Variants in SLC38A4 observed in about 807,000 individuals in gnomAD.
The protein encoded by SLC38A4 is sodium-coupled neutral amino acid transporter 4.
SLC38A4 carries 20 observed loss-of-function variants against 63.1 expected under a neutral mutation model. The observed-to-expected ratio is 0.32, with a 90% CI of 0.22 to 0.46. The LOEUF is 0.46. Among genes scored for constraint, SLC38A4 ranks in the 20% least tolerant of loss-of-function variants. The probability of loss-of-function intolerance (pLI) is 1.00; values close to 1 mark genes in which losing one functional copy is unlikely to be tolerated. For missense variants in SLC38A4, 526 were observed against 663.6 expected, an observed-to-expected ratio of 0.79 and a Z score of 2.28; for synonymous variants, 230 against 225.5, an observed-to-expected ratio of 1.02 and a Z score of -0.18.
At chr12:46,825,330 T>TATATATATATATA (rs71070321) in intron 1 of SLC38A4, among the ~76,000 whole-genome samples, 1 of 150,900 alleles carries the variant, frequency 6.6e-6, no homozygotes, top group Non-Finnish European at 1.5e-5. Flanking sequence ...TATATATATA[T>TATATATATATATA]TCCTTACAGA....
At chr12:46,767,238 ATG>A (rs63298462) in intron 16 of SLC38A4, among the ~76,000 whole-genome samples, 100,701 of 150,836 alleles carry the variant, frequency 0.67, 35,620 homozygotes, top group Middle Eastern at 0.81. Context: ...AAGTGTATAT[ATG>A]TGTGTGTGTG....
chr12:46,826,693 T>C (rs1466791953), upstream of SLC38A4, among the ~76,000 whole-genome samples: 1 of 152,160 alleles, frequency 6.6e-6, no homozygotes, highest in African/African-American at 2.4e-5. Flanking sequence ...CCCAGGAAGT[T>C]GGATGGTAGA....
In SLC38A4 at chr12:46,768,316, C is replaced by A. The variant is rs941604190; in HGVS notation, c.1536G>T (p.Lys512Asn). The change falls in exon 16 of 17, where the codon AAG becomes AAT. Residue 512 changes from lysine (K) to asparagine (N), a missense_variant. Lys to Asn is a moderately conservative substitution (Grantham distance 94). Coordinates refer to ENST00000266579, the MANE Select transcript of SLC38A4 (RefSeq NM_018018.5). ...AATTGCAAGGTTTACTTACCCCGAC[C>A]TTTTGGGGTGACCTAAAAGTTTCTT... ...VKKETFRSPQ[K>N]VGALIFLVVG... 1 of 1,609,038 alleles carries A rather than the reference C, an allele frequency of 6.2e-7. No individual in the cohort carries two copies.
intron 7 of SLC38A4, among the ~76,000 whole-genome samples, chr12:46,783,208 T>C (rs1420810347): frequency 2.0e-5 from 3 of 149,546 alleles, no homozygotes; most frequent in Non-Finnish European, 4.4e-5. Context: ...AGGGTATAGA[T>C]GATGGATAAA....
At position 46,787,542 on chromosome 12, in the gene SLC38A4, G is replaced by A. The variant is rs79297632; in HGVS notation, c.326+374C>T. Among the ~76,000 whole-genome samples the A allele has an allele frequency of 2.6e-5, 4 of 152,142 alleles. No homozygotes were observed. The South Asian group carries it at 6.2e-4, about 24-fold the overall frequency. On this transcript the variant is annotated intron_variant, in intron 5 of 16. Coordinates refer to ENST00000266579, the MANE Select transcript of SLC38A4 (RefSeq NM_018018.5). ...GGCTATTGTGCCCAGTGTATCTGTC[G>A]CACAGGGGTACAGGGAATGGGACAT... is the stretch of plus-strand genomic sequence containing the variant.
At chr12:46,794,531 CA>C (rs532953260) in intron 2 of SLC38A4, among the ~76,000 whole-genome samples, 13 of 147,588 alleles carry the variant, frequency 8.8e-5, no homozygotes, top group Admixed American at 4.0e-4. Context: ...CAAAAAGAGT[CA>C]AAAAAAGGAA....
intron 1 of SLC38A4, among the ~76,000 whole-genome samples, chr12:46,810,381 G>A (rs964192479): frequency 6.6e-6 from 1 of 151,784 alleles, no homozygotes; most frequent in Non-Finnish European, 1.5e-5. Flanking sequence ...ACACACCGGG[G>A]CTGTCGGTGG....
intron 10 of SLC38A4, 44 bp from the exon 11 acceptor site, chr12:46,778,820 G>A: frequency 6.4e-7 from 1 of 1,568,124 alleles, no homozygotes; most frequent in Non-Finnish European, 8.7e-7. Context: ...AGCTTTTTGA[G>A]AAAAAACAAT....
At chr12:46,779,441 T>G (rs1444799961) in intron 10 of SLC38A4, among the ~76,000 whole-genome samples, 170 bp downstream of exon 10, 3 of 151,980 alleles carry the variant, frequency 2.0e-5, no homozygotes, top group Non-Finnish European at 4.4e-5. Flanking sequence ...CAACTATCTT[T>G]AAATCGTAGC....
At chr12:46,819,412 T>C (rs1939499475) in intron 1 of SLC38A4, among the ~76,000 whole-genome samples, 1 of 151,852 alleles carries the variant, frequency 6.6e-6, no homozygotes, top group African/African-American at 2.4e-5. Context: ...GATTTGATCA[T>C]TACACATTAT....
Position 46,780,614 on chromosome 12 carries a change from TC to T in SLC38A4, c.494-585del, listed in dbSNP as rs565601841. On this transcript the variant is annotated intron_variant, in intron 7 of 16. Coordinates refer to ENST00000266579, the MANE Select transcript of SLC38A4 (RefSeq NM_018018.5). ...TCTTTGTCAAAGAAGTTTTTTTTTT[TC>T]CCCCCTCTTCATCTTACTCTCCTTT... is the stretch of plus-strand genomic sequence containing the variant. Among the ~76,000 whole-genome samples, 44 of 142,126 alleles carry T rather than the reference TC, an allele frequency of 3.1e-4. No homozygotes were observed. The South Asian group carries it at 9.0e-3, about 29-fold the overall frequency. The allele number at this position is 142,126 out of a possible 152,430, so 93.2% of individuals were successfully genotyped here. A position where few individuals can be genotyped will look rare whatever the true frequency, so the allele number is the denominator to read the frequency against.
Position 46,778,302 on chromosome 12 carries a change from T to A in SLC38A4, c.1060A>T (p.Ser354Cys). ...TGGCTGCCTTACTCTTTAAGTTCAC[T>A]GTAGATGGGAAGGACCTCAGGGTGG... ...VCHPEVLPIY[S>C]ELKDRSRRKM... The change falls in exon 12 of 17, where the codon AGT becomes TGT. Residue 354 changes from serine to cysteine, a missense_variant. Ser to Cys is a moderately radical substitution (Grantham distance 112). Transcript: ENST00000266579. The A allele has an allele frequency of 6.2e-7, 1 of 1,612,554 alleles. No homozygotes were observed. The highest frequency in any genetic ancestry group is 8.5e-7 in the Non-Finnish European group (1 of 1,179,036).
rs141201673 is a variant in SLC38A4 at position 46,813,786 on chromosome 12, G to A, written c.-304-9992C>T. Among the ~76,000 whole-genome samples the A allele has an allele frequency of 3.4e-3, 523 of 152,052 alleles. 4 individuals are homozygous for A. The highest frequency in any genetic ancestry group is 0.011 in the African/African-American group (473 of 41,510). On this transcript the variant is annotated intron_variant, in intron 1 of 16. Coordinates refer to ENST00000266579, the MANE Select transcript of SLC38A4 (RefSeq NM_018018.5). The stretch of plus-strand genomic sequence containing the variant: ...TTGCCATTTCTGTGCCTCAGTTTCC[G>A]CATCTACAAGAAGGAGATAATAATA...
chr12:46,801,589 G>C (rs994922164), intron 2 of SLC38A4, among the ~76,000 whole-genome samples: 17 of 152,072 alleles, frequency 1.1e-4, no homozygotes, highest in Non-Finnish European at 2.4e-4. Context: ...GTAGCAGAAA[G>C]CCTCACCTAT....
chr12:46,775,062 A>G lies in SLC38A4; in HGVS notation c.1286T>C (p.Ile429Thr). The change falls in exon 14 of 17, where the codon ATT becomes ACT. Residue 429 changes from isoleucine to threonine, a missense_variant. Transcript: ENST00000266579. ...VLVAVTLTVP[I>T]VLFPIRTSVI... ...TTATGTACTTACTGGGAAGAGGACA[A>G]TGGGCACAGTTAGTGTTACTGCCAC... The G allele has an allele frequency of 6.2e-7, 1 of 1,612,672 alleles. No homozygotes were observed. Among genetic ancestry groups the G allele is most frequent in the Non-Finnish European group, 8.5e-7 (1 of 1,179,058 alleles).
chr12:46,825,652 C>T (rs1361609585), intron 1 of SLC38A4, among the ~76,000 whole-genome samples: 1 of 152,066 alleles, frequency 6.6e-6, no homozygotes. Context: ...ACTCTGCATC[C>T]TTGAAACACA....
Position 46,766,476 on chromosome 12 carries a change from G to A in SLC38A4, c.*225C>T, listed in dbSNP as rs76844129. The stretch of plus-strand genomic sequence containing the variant: ...CTCACACTGCTCTAGCAAAACCTGG[G>A]TAGAAATGTGCACCACAGGTTTTAT... On this transcript the variant is annotated 3_prime_UTR_variant, in exon 17 of 17. Coordinates refer to ENST00000266579, the MANE Select transcript of SLC38A4 (RefSeq NM_018018.5). 1,523 of 633,086 alleles carry A rather than the reference G, an allele frequency of 2.4e-3. 14 individuals carry two copies. The highest frequency in any genetic ancestry group is 0.024 in the African/African-American group (1,334 of 55,742). 39.2% of individuals were successfully genotyped at this position (633,086 alleles called of 1,614,324 possible).
Position 46,778,759 on chromosome 12 carries a change from G to C in SLC38A4, c.735C>G (p.Phe245Leu). ...FFVSVVIYKK[F>L]QIPCPLPVLD... The stretch of plus-strand genomic sequence containing the variant: ...AAACAGGTAGAGGGCAGGGTATTTG[G>C]AATTTCTTGTAAATCACCTAGACTC... Residue 245 changes from phenylalanine to leucine, a missense_variant, in exon 11 of 17, where the codon TTC becomes TTG. Transcript: ENST00000266579. 1.2e-6 allele frequency: 2 copies of C among 1,610,894 alleles called. No individual in the cohort carries two copies. The highest frequency in any genetic ancestry group is 1.3e-5 in the African/African-American group (1 of 74,686).
chr12:46,772,547 AC>A (rs1443559828), intron 14 of SLC38A4, among the ~76,000 whole-genome samples: 1 of 152,040 alleles, frequency 6.6e-6, no homozygotes, highest in Non-Finnish European at 1.5e-5. Flanking sequence ...CATAACTGAT[AC>A]CCCACCCACT....
Sources: gnomAD v4.1 joint callset for allele counts (sites outside exome capture counted in the v4.1 genomes callset) on GRCh38, gnomAD v4.1.1 for gene constraint, MANE v1.5 for transcripts, NCBI Gene and HGNC (gene_info 2026-07-23, HGNC 2026-07-21) for gene names.